DCAF7: variants seen among roughly 807,000 people sequenced by gnomAD.
DCAF7 encodes the protein DDB1 and CUL4 associated factor 7, also known as DDB1- and CUL4-associated factor 7.
Under a neutral mutation model 41.2 loss-of-function variants are expected in DCAF7, and 4 were observed. The observed-to-expected ratio is 0.10, with a 90% CI of 0.05 to 0.22. The LOEUF is 0.22. Among genes scored for constraint, DCAF7 ranks in the 10% least tolerant of loss-of-function variants. The pLI, the probability that DCAF7 is intolerant of heterozygous loss-of-function variation, is 1.00. For missense variants in DCAF7, 131 were observed against 443.2 expected, an observed-to-expected ratio of 0.30 and a Z score of 6.32; for synonymous variants, 143 against 164.2, an observed-to-expected ratio of 0.87 and a Z score of 0.99.
intron 1 of DCAF7, among the ~76,000 whole-genome samples, chr17:63,577,167 T>G (rs2033571581): frequency 6.6e-6 from 1 of 152,184 alleles, no homozygotes; most frequent in Admixed American, 6.5e-5. Flanking sequence ...GAGAGCTTTC[T>G]GGGTTAATGG....
chr17:63,561,291 G>A (rs148470512), intron 1 of DCAF7, among the ~76,000 whole-genome samples: 7 of 152,142 alleles, frequency 4.6e-5, no homozygotes, highest in African/African-American at 1.4e-4. Flanking sequence ...AAGTACAACC[G>A]ACTAAGAATA....
intron 1 of DCAF7, among the ~76,000 whole-genome samples, chr17:63,570,324 T>G (rs901133291): frequency 5.9e-5 from 9 of 151,924 alleles, no homozygotes; most frequent in African/African-American, 2.2e-4. Flanking sequence ...CGTGGTGGTA[T>G]GCACCTGTAA....
At chr17:63,570,384 G>A (rs753747332) in intron 1 of DCAF7, among the ~76,000 whole-genome samples, 79 of 152,118 alleles carry the variant, frequency 5.2e-4, no homozygotes, top group South Asian at 1.0e-3. Context: ...AACCTGGGAA[G>A]CGGAGGTTGC....
At chr17:63,578,360 T>C in intron 1 of DCAF7, 110 bp from the exon 2 acceptor site, 3 of 1,476,376 alleles carry the variant, frequency 2.0e-6, no homozygotes, top group Non-Finnish European at 2.8e-6. Flanking sequence ...CAAGATCCTG[T>C]CTTTAAAACA....
At position 63,583,513 on chromosome 17, in the gene DCAF7, T is replaced by C. The variant is rs747816209; in HGVS notation, c.540T>C (p.Ile180=). 1.9e-6 allele frequency: 3 copies of C among 1,613,728 alleles called. No homozygotes were observed. Among genetic ancestry groups the C allele is most frequent in the South Asian group, 2.2e-5 (2 of 91,032 alleles). Residue 180 remains isoleucine, a synonymous_variant, in exon 5 of 7, where the codon ATT becomes ATC. Coordinates refer to ENST00000614556, the MANE Select transcript of DCAF7 (RefSeq NM_005828.5). The part of the protein sequence containing the change: ...LIAHDKEVYD[I]AFSRAGGGRD... The stretch of plus-strand genomic sequence containing the variant: ...TTGTTCACCAACAGGTCTATGATAT[T>C]GCATTTAGCCGGGCCGGGGGTGGCA...
Position 63,579,840 on chromosome 17 carries a change from A to T in DCAF7, c.425A>T (p.Asp142Val). ...DPYLLGTSSI[D>V]TTCTIWGLET... ...TTGTTTGCAGGTACCTCAAGCATTGATACGACATGCACCATCTGGGGGCTG... is the reference window on the plus strand; with the variant it reads ...TTGTTTGCAGGTACCTCAAGCATTGTTACGACATGCACCATCTGGGGGCTG... The change falls in exon 4 of 7, where the codon GAT becomes GTT. Residue 142 changes from aspartate (D) to valine (V), a missense_variant. Physicochemically the swap from Asp to Val is radical, Grantham distance 152 (BLOSUM62 -3). Coordinates refer to ENST00000614556, the MANE Select transcript of DCAF7 (RefSeq NM_005828.5). 6.2e-7 allele frequency: 1 copy of T among 1,613,782 alleles called. No individual in the cohort carries two copies. The highest frequency in any genetic ancestry group is 8.5e-7 in the Non-Finnish European group (1 of 1,179,808).
In DCAF7 at chr17:63,586,142, A is replaced by AAAC. The variant is rs1555682475; in HGVS notation, c.856+816_856+817insCAA. Among the ~76,000 whole-genome samples, 772 of 149,308 alleles carry AAAC rather than the reference A, an allele frequency of 5.2e-3. 9 individuals carry two copies. Among genetic ancestry groups the AAAC allele is most frequent in the African/African-American group, 0.018 (723 of 39,280 alleles). On this transcript the variant is annotated intron_variant, in intron 6 of 6. Transcript: ENST00000614556. ...TCTGTCTCCAAAAAAAAAAAAAAAA[A>AAAC]AAAAAAAGTACCCCTTAAAAATATG...
chr17:63,577,979 G>A (rs555537973), intron 1 of DCAF7, among the ~76,000 whole-genome samples: 1 of 152,166 alleles, frequency 6.6e-6, no homozygotes, highest in Admixed American at 6.5e-5. Context: ...TTGAGTCTGG[G>A]TGTCCTTGTC....
chr17:63,580,939 G>A (rs1410607563), intron 4 of DCAF7, among the ~76,000 whole-genome samples: 2 of 152,130 alleles, frequency 1.3e-5, no homozygotes, highest in African/African-American at 2.4e-5. Flanking sequence ...ACTATTTCCT[G>A]TTCTTTTCTA....
rs566602869 is a variant in DCAF7 at position 63,574,295 on chromosome 17, A to T, written c.139-4175A>T. On this transcript the variant is annotated intron_variant, in intron 1 of 6. Coordinates refer to ENST00000614556, the MANE Select transcript of DCAF7 (RefSeq NM_005828.5). Reference sequence around the variant, plus strand: ...TTATTGCTGTTTCCTCTCAATTGTTATCGATTATTATCTGTGTCATAAATA... The same window carrying T: ...TTATTGCTGTTTCCTCTCAATTGTTTTCGATTATTATCTGTGTCATAAATA... Among the ~76,000 whole-genome samples the T allele has an allele frequency of 3.9e-5, 6 of 152,154 alleles. No homozygotes were observed. The East Asian group carries it at 1.2e-3, about 29-fold the overall frequency.
At chr17:63,562,010 CA>C (rs374021255) in intron 1 of DCAF7, among the ~76,000 whole-genome samples, 1,508 of 81,508 alleles carry the variant, frequency 0.019, 13 homozygotes, top group African/African-American at 0.045. Flanking sequence ...TGTCAATGTC[CA>C]AAAAAAAAAA....
At chr17:63,567,499 G>T (rs1280557688) in intron 1 of DCAF7, among the ~76,000 whole-genome samples, 1 of 152,182 alleles carries the variant, frequency 6.6e-6, no homozygotes, top group East Asian at 1.9e-4. Flanking sequence ...ACTGTCTATT[G>T]TAAGTAGTAC....
intron 1 of DCAF7, among the ~76,000 whole-genome samples, chr17:63,570,347 G>T (rs998057255): frequency 5.3e-5 from 8 of 151,992 alleles, no homozygotes; most frequent in African/African-American, 1.9e-4. Context: ...CCAGCTACTC[G>T]GGAGGCTGAG....
intron 1 of DCAF7, chr17:63,552,485 T>A (rs2033268093): frequency 6.6e-6 from 1 of 152,212 alleles, no homozygotes; most frequent in Non-Finnish European, 1.5e-5. Context: ...CTCTGTTGCT[T>A]CTTTCTTCCT....
chr17:63,582,457 T>C (rs1416181246), intron 4 of DCAF7, among the ~76,000 whole-genome samples: 1 of 151,512 alleles, frequency 6.6e-6, no homozygotes, highest in East Asian at 1.9e-4. Context: ...TCTCTCTTCG[T>C]CCCTCTTCGT....
At position 63,557,410 on chromosome 17, in the gene DCAF7, G is replaced by A. The variant is rs923587403; in HGVS notation, c.138+6595G>A. ...TGTAATCCCAGCTACTTGGGACACTGAGGCAGGAGACTTACTTGAACCTGG... is the reference window on the plus strand; with the variant it reads ...TGTAATCCCAGCTACTTGGGACACTAAGGCAGGAGACTTACTTGAACCTGG... On this transcript the variant is annotated intron_variant, in intron 1 of 6. Transcript: ENST00000614556. 1.6e-4 allele frequency among the ~76,000 whole-genome samples: 25 copies of A among 152,210 alleles called. 1 individual carries two copies. Among genetic ancestry groups the A allele is most frequent in the Admixed American group, 1.1e-3 (17 of 15,266 alleles).
chr17:63,561,444 TAC>T (rs752172063), intron 1 of DCAF7, among the ~76,000 whole-genome samples: 1 of 151,666 alleles, frequency 6.6e-6, no homozygotes, highest in Non-Finnish European at 1.5e-5. Context: ...GTTAGAAAAT[TAC>T]AGTTTGTTCA....
Position 63,550,623 on chromosome 17 carries a change from C to G in DCAF7, c.-55C>G. ...GACCCATAGATCTCAGGCTCGGCTCCCCGCCCGCCGCAGCCCACTGTTGAC... is the reference window on the plus strand; with the variant it reads ...GACCCATAGATCTCAGGCTCGGCTCGCCGCCCGCCGCAGCCCACTGTTGAC... On this transcript the variant is annotated 5_prime_UTR_variant, in exon 1 of 7. Transcript: ENST00000614556. This position sits in a 1 kb window ranked among gnomAD's most constrained non-coding sequence, Gnocchi z 4.8. 6.3e-7 allele frequency: 1 copy of G among 1,597,446 alleles called. No individual in the cohort carries two copies. Among genetic ancestry groups the G allele is most frequent in the Non-Finnish European group, 8.5e-7 (1 of 1,170,516 alleles).
At chr17:63,579,697 C>A in intron 3 of DCAF7, 128 bp from the exon 4 acceptor site, 2 of 811,894 alleles carry the variant, frequency 2.5e-6, no homozygotes, top group Non-Finnish European at 3.9e-6. Flanking sequence ...TGCCGGTAGC[C>A]CCCACCTTGT....
Sources: gnomAD v4.1 joint callset for allele counts (sites outside exome capture counted in the v4.1 genomes callset) on GRCh38, gnomAD v4.1.1 for gene constraint, Gnocchi (gnomAD v3.1) non-coding constraint, MANE v1.5 for transcripts, NCBI Gene and HGNC (gene_info 2026-07-23, HGNC 2026-07-21) for gene names.